The following PCDHGA4 variants were observed in gnomAD, a reference collection of about 807,000 sequenced individuals.
PCDHGA4 encodes the protein protocadherin gamma subfamily A, 4.
Under a neutral mutation model 54.6 loss-of-function variants are expected in PCDHGA4, and 38 were observed. The observed-to-expected ratio is 0.70, with a 90% CI of 0.54 to 0.91. The LOEUF is 0.91. Ranked by LOEUF, PCDHGA4 falls within the 40% of genes least tolerant of loss-of-function variation. The probability of loss-of-function intolerance (pLI) is 0.00; values close to 1 mark genes in which losing one functional copy is unlikely to be tolerated. For synonymous variants in PCDHGA4, 511 were observed against 512.9 expected (o/e 1.00, Z 0.05); for missense variants, 1,298 against 1,220.9 (o/e 1.06, Z -0.94).
At chr5:141,478,355 G>T (rs1193169527) in intron 1 of PCDHGA4, 7 of 1,613,742 alleles carry the variant, frequency 4.3e-6, no homozygotes, top group Non-Finnish European at 5.1e-6. Flanking sequence ...CGCGGACGCC[G>T]TGCGGGGAGG....
chr5:141,389,887 A>T (rs1473090410), intron 1 of PCDHGA4: 2 of 1,613,940 alleles, frequency 1.2e-6, no homozygotes, highest in South Asian at 1.1e-5. Flanking sequence ...AGCTTGCAGG[A>T]GGTGCTGCCG....
chr5:141,372,052 A>G (rs1768353245), intron 1 of PCDHGA4: 2 of 1,613,472 alleles, frequency 1.2e-6, no homozygotes. Context: ...GTGTTGGTGG[A>G]CGACCGCAAC....
chr5:141,432,071 AT>A lies in PCDHGA4; in HGVS notation c.2515-62735del. 1 of 1,614,158 alleles carries A rather than the reference AT, an allele frequency of 6.2e-7. No individual in the cohort carries two copies. Among genetic ancestry groups the A allele is most frequent in the Non-Finnish European group, 8.5e-7 (1 of 1,180,032 alleles). ...CCCGCCCCTATCCACGGAAACTCAT[AT>A]CTCGCTGAACGTGGCAGACACCAAC... On this transcript the variant is annotated intron_variant, in intron 1 of 3. Transcript: ENST00000571252. The surrounding 1 kb of genome is among the most constrained non-coding windows in gnomAD (Gnocchi z 6.0).
At chr5:141,472,980 C>CAAAAAAAAAAAA (rs60579131) in intron 1 of PCDHGA4, among the ~76,000 whole-genome samples, 2 of 86,098 alleles carry the variant, frequency 2.3e-5, no homozygotes, top group African/African-American at 3.9e-5. Context: ...GAGTGAAACT[C>CAAAAAAAAAAAA]AAAAAAAAAA....
chr5:141,360,308 T>C, intron 1 of PCDHGA4: 2 of 1,613,902 alleles, frequency 1.2e-6, no homozygotes, highest in Non-Finnish European at 1.7e-6. Context: ...GGGCTCAGCG[T>C]CCGGGACTTG....
rs761492460 is a variant in PCDHGA4, at chr5:141,389,630, T to C, written c.2514+32009T>C. The C allele has an allele frequency of 9.9e-6, 16 of 1,612,872 alleles. No homozygotes were observed. The Admixed American group carries it at 1.8e-4, about 18-fold the overall frequency. ...ATATGGTGCCGCACGCTGCAGAGCC[T>C]GGCTACTTGGTGACCAAGGTAGTGG... On this transcript the variant is annotated intron_variant, in intron 1 of 3. Coordinates refer to ENST00000571252, the MANE Select transcript of PCDHGA4 (RefSeq NM_018917.4).
chr5:141,389,424 G>A lies in PCDHGA4; in HGVS notation c.2514+31803G>A, dbSNP rs746873845. 51 of 1,613,390 alleles carry A rather than the reference G, an allele frequency of 3.2e-5. No homozygotes were observed. Among genetic ancestry groups the A allele is most frequent in the East Asian group, 8.9e-5 (4 of 44,896 alleles). The stretch of plus-strand genomic sequence containing the variant: ...AAGCGCGGAGAGCGGGGTGGTGTTC[G>A]CGCAGCGCGCCTTCGACCACGAGCA... On this transcript the variant is annotated intron_variant, in intron 1 of 3. Transcript: ENST00000571252.
At chr5:141,417,954 C>A (rs2096198021) in intron 1 of PCDHGA4, 3 of 1,613,600 alleles carry the variant, frequency 1.9e-6, no homozygotes, top group South Asian at 1.1e-5. Flanking sequence ...CTGTGTGAGC[C>A]GATCCGCTAC....
intron 1 of PCDHGA4, among the ~76,000 whole-genome samples, chr5:141,456,968 A>AAAAC (rs202005606): frequency 1.3e-4 from 20 of 152,282 alleles, no homozygotes; most frequent in Middle Eastern, 3.4e-3. Flanking sequence ...ATCTCAAAAC[A>AAAAC]AAACAAACAA....
chr5:141,380,065 A>G (rs569464120), intron 1 of PCDHGA4, among the ~76,000 whole-genome samples: 1 of 151,950 alleles, frequency 6.6e-6, no homozygotes, highest in East Asian at 1.9e-4. Context: ...ATGCCTAGCT[A>G]ATTTTCATAC....
rs537755017 is a variant in PCDHGA4 at position 141,491,797 on chromosome 5, G to A, written c.2515-3010G>A. 16 of 1,506,818 alleles carry A rather than the reference G, an allele frequency of 1.1e-5. No individual in the cohort carries two copies. In the Admixed American group the frequency reaches 2.2e-4, roughly 20 times the overall value. The allele number at this position is 1,506,818 out of a possible 1,614,324, so 93.3% of individuals were successfully genotyped here. A position where few individuals can be genotyped will look rare whatever the true frequency, so the allele number is the denominator to read the frequency against. ...ATTGAACTTGCATCCACTCCTCTCC[G>A]GCCGGCTTGGTCGCTGGCTGCGCTC... On this transcript the variant is annotated intron_variant, in intron 1 of 3. Transcript: ENST00000571252. The surrounding 1 kb of genome is among the most constrained non-coding windows in gnomAD (Gnocchi z 6.9).
At chr5:141,365,379 CCT>C in intron 1 of PCDHGA4, 5 of 1,613,964 alleles carry the variant, frequency 3.1e-6, no homozygotes, top group Non-Finnish European at 4.2e-6. Context: ...GTGATCCTCA[CCT>C]CTCTGACCAG....
intron 1 of PCDHGA4, among the ~76,000 whole-genome samples, chr5:141,358,688 C>G (rs944997281): frequency 6.6e-6 from 1 of 152,144 alleles, no homozygotes. Context: ...CTTATCATGA[C>G]ATCACTATTG....
At chr5:141,370,407 T>G in intron 1 of PCDHGA4, 1 of 1,561,028 alleles carries the variant, frequency 6.4e-7, no homozygotes, top group African/African-American at 1.4e-5. Flanking sequence ...GGGAAATAGC[T>G]CCGGATGGAG....
At chr5:141,359,599 A>G (rs1034333334) in intron 1 of PCDHGA4, among the ~76,000 whole-genome samples, 1 of 152,038 alleles carries the variant, frequency 6.6e-6, no homozygotes, top group East Asian at 1.9e-4. Context: ...TAAAAAAGCA[A>G]TGTGCAGAAT....
In PCDHGA4 at chr5:141,489,633, T is replaced by C. The variant is rs1298084961; in HGVS notation, c.2515-5174T>C. On this transcript the variant is annotated intron_variant, in intron 1 of 3. Coordinates refer to ENST00000571252, the MANE Select transcript of PCDHGA4 (RefSeq NM_018917.4). The surrounding 1 kb of genome is among the most constrained non-coding windows in gnomAD (Gnocchi z 4.5). ...TCCTGGATCTCAATGACAACTCTCC[T>C]AGCTTTGCCACCCCTGAGCGAGAGA... The C allele has an allele frequency of 6.2e-7, 1 of 1,614,160 alleles. No individual in the cohort carries two copies. Among genetic ancestry groups the C allele is most frequent in the South Asian group, 1.1e-5 (1 of 91,086 alleles).
At chr5:141,358,811 G>A (rs760688230) in intron 1 of PCDHGA4, among the ~76,000 whole-genome samples, 8 of 152,108 alleles carry the variant, frequency 5.3e-5, no homozygotes, top group Non-Finnish European at 1.0e-4. Context: ...TATGATTTAC[G>A]CTGCTTAGTA....
chr5:141,376,914 C>G (rs1025348102), intron 1 of PCDHGA4: 2 of 179,598 alleles, frequency 1.1e-5, no homozygotes, highest in Non-Finnish European at 2.3e-5. Flanking sequence ...GTCTCGATCT[C>G]CTGACCTCAT....
At chr5:141,507,283 G>T (rs917383969) in intron 3 of PCDHGA4, 2 of 150,498 alleles carry the variant, frequency 1.3e-5, no homozygotes, top group Non-Finnish European at 2.9e-5. Context: ...GCATAAGTCA[G>T]TCTCAAATGT....
Sources: gnomAD v4.1 joint callset for allele counts (sites outside exome capture counted in the v4.1 genomes callset) on GRCh38, gnomAD v4.1.1 for gene constraint, Gnocchi (gnomAD v3.1) non-coding constraint, MANE v1.5 for transcripts, NCBI Gene and HGNC (gene_info 2026-07-23, HGNC 2026-07-21) for gene names.